ARSF: variants seen among roughly 807,000 people sequenced by gnomAD.
The protein encoded by ARSF is arylsulfatase F.
Under a neutral mutation model 35.4 loss-of-function variants are expected in ARSF, and 33 were observed. The ratio of observed to expected loss-of-function variants is 0.93; its 90% CI spans 0.71 to 1.25. The LOEUF (loss-of-function observed/expected upper bound fraction) is 1.25. ARSF is among the 50% of genes most tolerant of loss of function. The pLI, the probability that ARSF is intolerant of heterozygous loss-of-function variation, is 0.00. For synonymous variants in ARSF, 222 were observed against 193.1 expected, an observed-to-expected ratio of 1.15 and a Z score of -1.24; for missense variants, 501 against 480.2, an observed-to-expected ratio of 1.04 and a Z score of -0.40.
At chrX:3,081,158 C>G (rs1164156900) in intron 5 of ARSF, 145 bp downstream of exon 5, 1 of 806,591 alleles carries the variant, frequency 1.2e-6, no homozygotes, top group Non-Finnish European at 1.7e-6. Flanking sequence ...AATCCCAGTA[C>G]TTTGGGAGGC....
chrX:3,110,644 C>T (rs2090438989), intron 10 of ARSF, among the ~76,000 whole-genome samples: 1 of 112,135 alleles, frequency 8.9e-6, no homozygotes, highest in African/African-American at 3.2e-5. Context: ...CGCCTGTAAT[C>T]CCAGAACTTT....
In ARSF at chrX:3,110,630, A is replaced by G. The variant is rs1755541107; in HGVS notation, c.1390+378A>G. Among the ~76,000 whole-genome samples the G allele has an allele frequency of 5.3e-5, 6 of 112,286 alleles. No homozygotes were observed. In the Admixed American group the frequency reaches 5.7e-4, roughly 11 times the overall value. Reference sequence around the variant, plus strand: ...ATACATTTTTAGTCAGGTGTGGTGGATCACGCCTGTAATCCCAGAACTTTG... The same window carrying G: ...ATACATTTTTAGTCAGGTGTGGTGGGTCACGCCTGTAATCCCAGAACTTTG... On this transcript the variant is annotated intron_variant, in intron 10 of 10. Transcript: ENST00000381127.
In ARSF at chrX:3,068,119, A is replaced by G; in HGVS notation, c.11+8A>G. 2 of 1,201,984 alleles carry G rather than the reference A, an allele frequency of 1.7e-6. No individual in the cohort carries two copies. Among genetic ancestry groups the G allele is most frequent in the East Asian group, 5.9e-5 (2 of 33,637 alleles). ...CTGCACAATGAGGCCCAGGTAGGTA[A>G]AGCCATATACTGCATTGTGAGCACA... On this transcript the variant is annotated splice_region_variant and intron_variant, in intron 2 of 10. Transcript: ENST00000381127.
At chrX:3,078,951 C>T (rs145206841) in intron 4 of ARSF, among the ~76,000 whole-genome samples, 3,392 of 110,604 alleles carry the variant, frequency 0.031, 57 homozygotes, top group Middle Eastern at 0.093. Flanking sequence ...TCCCCCTTCT[C>T]GCAGCCCCCG....
chrX:3,080,928 T>C lies in ARSF; in HGVS notation c.321T>C (p.Asn107=), dbSNP rs747045341. 35 of 1,210,089 alleles carry C rather than the reference T, an allele frequency of 2.9e-5. No individual in the cohort carries two copies. The East Asian group carries it at 8.6e-4, about 30-fold the overall frequency. ...VSSGNRRVIQ[N]LAVPAGLPLN... ...GTGGTAATAGACGTGTCATCCAAAA[T>C]CTTGCAGTCCCCGCAGGCCTCCCTC... is the stretch of plus-strand genomic sequence containing the variant. The change falls in exon 5 of 11, where the codon AAT becomes AAC. Residue 107 remains asparagine (N), a synonymous_variant. Coordinates refer to ENST00000381127, the MANE Select transcript of ARSF (RefSeq NM_001201539.2).
At chrX:3,108,338 T>C (rs1269402584) in intron 9 of ARSF, among the ~76,000 whole-genome samples, 1 of 112,315 alleles carries the variant, frequency 8.9e-6, no homozygotes, top group East Asian at 2.8e-4. Context: ...ACATAAACCT[T>C]TCTGAAATTG....
At chrX:3,051,148 T>G (rs1386922300) in intron 1 of ARSF, among the ~76,000 whole-genome samples, 1 of 111,497 alleles carries the variant, frequency 9.0e-6, no homozygotes, top group Non-Finnish European at 1.9e-5. Context: ...TCTACCGATT[T>G]CCAGTGAGAA....
intron 9 of ARSF, among the ~76,000 whole-genome samples, chrX:3,109,501 T>A (rs757954827): frequency 9.0e-6 from 1 of 111,286 alleles, no homozygotes; most frequent in East Asian, 2.8e-4. Context: ...TTTGGATATA[T>A]TGTGTGATGC....
chrX:3,068,114 A>G lies in ARSF; in HGVS notation c.11+3A>G. The G allele has an allele frequency of 1.7e-6, 2 of 1,202,261 alleles. No individual in the cohort carries two copies. The highest frequency in any genetic ancestry group is 2.2e-6 in the Non-Finnish European group (2 of 890,278). ...CCAAGCTGCACAATGAGGCCCAGGT[A>G]GGTAAAGCCATATACTGCATTGTGA... is the stretch of plus-strand genomic sequence containing the variant. On this transcript the variant is annotated splice_donor_region_variant and intron_variant, in intron 2 of 10. Transcript: ENST00000381127.
chrX:3,083,527 T>C (rs201187671), intron 5 of ARSF, among the ~76,000 whole-genome samples: 11 of 26,590 alleles, frequency 4.1e-4, no homozygotes, highest in African/African-American at 1.7e-3. Context: ...TCTATCTATC[T>C]ATCCATCCAT....
chrX:3,079,995 G>A (rs1407664193), intron 4 of ARSF, among the ~76,000 whole-genome samples: 34 of 88,664 alleles, frequency 3.8e-4, no homozygotes, highest in Non-Finnish European at 5.6e-4. Context: ...AAAAAAAAGA[G>A]AGAGAGAGAA....
rs1569139814 is a variant in ARSF at position 3,080,917 on chromosome X, G to C, written c.310G>C (p.Val104Leu). Reference sequence around the variant, plus strand: ...TATGGTTTCTAGTGGTAATAGACGTGTCATCCAAAATCTTGCAGTCCCCGC... The same window carrying C: ...TATGGTTTCTAGTGGTAATAGACGTCTCATCCAAAATCTTGCAGTCCCCGC... ...SGMVSSGNRR[V>L]IQNLAVPAGL... The change falls in exon 5 of 11, where the codon GTC becomes CTC. Residue 104 changes from valine to leucine, a missense_variant. Physicochemically the swap from Val to Leu is conservative, Grantham distance 32 (BLOSUM62 1). Coordinates refer to ENST00000381127, the MANE Select transcript of ARSF (RefSeq NM_001201539.2). 2.5e-6 allele frequency: 3 copies of C among 1,211,520 alleles called. No homozygotes were observed. Among genetic ancestry groups the C allele is most frequent in the Non-Finnish European group, 2.2e-6 (2 of 895,369 alleles).
chrX:3,084,357 G>A lies in ARSF; in HGVS notation c.521G>A (p.Trp174Ter), dbSNP rs770670457. Reference protein sequence around the residue: ...GMPFTLVDSCWPDPSRNTELA... With the variant: ...GMPFTLVDSC The stretch of plus-strand genomic sequence containing the variant: ...CCGTTCACTCTCGTTGACAGCTGCT[G>A]GCCGGACCCCTCTCGTAACACGGAA... Residue 174 changes from tryptophan (W) to a stop codon, truncating the protein, a stop_gained, in exon 6 of 11, where the codon TGG becomes TAG. Transcript: ENST00000381127. LOFTEE classifies it high-confidence loss of function. The A allele has an allele frequency of 9.9e-6, 12 of 1,209,801 alleles. No homozygotes were observed. Among genetic ancestry groups the A allele is most frequent in the Non-Finnish European group, 1.3e-5 (12 of 895,273 alleles).
Position 3,071,608 on chromosome X carries a change from G to A in ARSF, c.12-418G>A, listed in dbSNP as rs746714714. ...TGTGAGCCACCACACCCGGCCGCAA[G>A]TGTCTTTTATATATAATGCCTTCTT... On this transcript the variant is annotated intron_variant, in intron 2 of 10. Transcript: ENST00000381127. Among the ~76,000 whole-genome samples the A allele has an allele frequency of 2.0e-4, 22 of 110,881 alleles. No individual in the cohort carries two copies. In the South Asian group the frequency reaches 8.5e-3, roughly 43 times the overall value.
intron 8 of ARSF, among the ~76,000 whole-genome samples, chrX:3,102,326 T>A (rs2090382497): frequency 8.9e-6 from 1 of 112,078 alleles, no homozygotes; most frequent in Non-Finnish European, 1.9e-5. Flanking sequence ...ATATGATTCT[T>A]ATGCCTTTGC....
intron 1 of ARSF, among the ~76,000 whole-genome samples, chrX:3,065,296 T>G (rs866980458): frequency 2.6e-4 from 21 of 80,582 alleles, no homozygotes; most frequent in African/African-American, 6.3e-4. Context: ...GGGTGGGGGG[T>G]TGGGGGAGGG....
Position 3,084,644 on chromosome X carries a change from G to A in ARSF, c.808G>A (p.Glu270Lys), listed in dbSNP as rs779083164. 10 of 1,171,026 alleles carry A rather than the reference G, an allele frequency of 8.5e-6. No individual in the cohort carries two copies. The highest frequency in any genetic ancestry group is 1.1e-5 in the Non-Finnish European group (10 of 877,881). Residue 270 changes from glutamate (E) to lysine (K), a missense_variant, in exon 6 of 11, where the codon GAA (glutamate) becomes AAA (lysine). By Grantham distance (56) the Glu-to-Lys change is moderately conservative. Transcript: ENST00000381127. ...AERAGSIMVK[E>K]AISFLERHSK... ...ACGAGCTGGATCCATTATGGTGAAGGAAGCGATTTCCTTTTTAGAAAGGTA... is the reference window on the plus strand; with the variant it reads ...ACGAGCTGGATCCATTATGGTGAAGAAAGCGATTTCCTTTTTAGAAAGGTA...
At chrX:3,062,683 C>A (rs187496353) in intron 1 of ARSF, among the ~76,000 whole-genome samples, 50 of 111,932 alleles carry the variant, frequency 4.5e-4, no homozygotes, top group Non-Finnish European at 3.8e-5. Context: ...CACCTCTATG[C>A]AAATGAACTA....
At chrX:3,094,208 G>C (rs1471378165) in intron 7 of ARSF, among the ~76,000 whole-genome samples, 1 of 111,919 alleles carries the variant, frequency 8.9e-6, no homozygotes, top group Non-Finnish European at 1.9e-5. Flanking sequence ...GGAGGCAAAA[G>C]TATGTGGCCT....
Sources: gnomAD v4.1 joint callset for allele counts (sites outside exome capture counted in the v4.1 genomes callset) on GRCh38, gnomAD v4.1.1 for gene constraint, MANE v1.5 for transcripts, NCBI Gene and HGNC (gene_info 2026-07-23, HGNC 2026-07-21) for gene names.